The following RPA1 variants were observed in gnomAD, a reference collection of about 807,000 sequenced individuals.
RPA1 encodes the protein replication protein A1, also known as replication protein A 70 kDa DNA-binding subunit.
A neutral mutation model predicts 83.0 loss-of-function variants in RPA1; 49 were observed. The ratio of observed to expected loss-of-function variants is 0.59; its 90% CI spans 0.47 to 0.75. RPA1 has a LOEUF of 0.75. Among genes scored for constraint, RPA1 ranks in the 30% least tolerant of loss-of-function variants. RPA1 has a pLI of 0.00. For synonymous variants in RPA1, 279 were observed against 281.8 expected, an observed-to-expected ratio of 0.99 and a Z score of 0.10; for missense variants, 693 against 776.1, an observed-to-expected ratio of 0.89 and a Z score of 1.27.
At chr17:1,833,250 G>C (rs957041166) in intron 1 of RPA1, among the ~76,000 whole-genome samples, 1 of 152,156 alleles carries the variant, frequency 6.6e-6, no homozygotes, top group Non-Finnish European at 1.5e-5. Context: ...ATTCCATGAG[G>C]CCTGCAATCA....
chr17:1,859,760 A>T (rs1597436858), intron 5 of RPA1, among the ~76,000 whole-genome samples: 1 of 152,188 alleles, frequency 6.6e-6, no homozygotes, highest in African/African-American at 2.4e-5. Flanking sequence ...CCTCCTGAGT[A>T]GCTGGGACTA....
chr17:1,830,827 G>A (rs1163466659), intron 1 of RPA1, among the ~76,000 whole-genome samples: 1 of 151,518 alleles, frequency 6.6e-6, no homozygotes, highest in Non-Finnish European at 1.5e-5. Context: ...GTGCAGAGGC[G>A]CGATCTCGGC....
intron 4 of RPA1, among the ~76,000 whole-genome samples, chr17:1,848,905 C>A (rs1276249227): frequency 3.9e-5 from 6 of 152,112 alleles, no homozygotes; most frequent in Non-Finnish European, 7.3e-5. Context: ...TGTCTAGATA[C>A]ATCACATTTT....
At chr17:1,840,072 A>T (rs542894719) in intron 1 of RPA1, among the ~76,000 whole-genome samples, 1 of 151,654 alleles carries the variant, frequency 6.6e-6, no homozygotes, top group South Asian at 2.1e-4. Flanking sequence ...ATCCCTTTGC[A>T]TACACTGAAG....
In RPA1 at chr17:1,888,791, G is replaced by A. The variant is rs1914093071; in HGVS notation, c.1491G>A (p.Leu497=). 4 of 1,614,214 alleles carry A rather than the reference G, an allele frequency of 2.5e-6. No homozygotes were observed. The highest frequency in any genetic ancestry group is 3.3e-4 in the Middle Eastern group (2 of 6,060). ...AAGTGATTGATCAACAGAATGGATT[G>A]TACCGCTGTGAGAAGTGCGACACCG... is the stretch of plus-strand genomic sequence containing the variant. The part of the protein sequence containing the change: ...NKKVIDQQNG[L]YRCEKCDTEF... The change falls in exon 14 of 17, where the codon TTG becomes TTA. Residue 497 remains leucine (L), a synonymous_variant. Transcript: ENST00000254719.
At chr17:1,865,848 T>C (rs1567814838) in intron 5 of RPA1, among the ~76,000 whole-genome samples, 1 of 152,212 alleles carries the variant, frequency 6.6e-6, no homozygotes, top group African/African-American at 2.4e-5. Context: ...CTGTTCAGGC[T>C]GGTCTCAAAC....
At chr17:1,875,211 G>A (rs1172363637) in intron 6 of RPA1, among the ~76,000 whole-genome samples, 2 of 152,184 alleles carry the variant, frequency 1.3e-5, no homozygotes, top group African/African-American at 4.8e-5. Context: ...GGATTTGGAG[G>A]CGATCTATTT....
rs1349016012 is a variant in RPA1 at position 1,875,847 on chromosome 17, A to G, written c.587+54A>G. 9 of 1,543,224 alleles carry G rather than the reference A, an allele frequency of 5.8e-6. No homozygotes were observed. In the Admixed American group the frequency reaches 9.7e-5, roughly 17 times the overall value. On this transcript the variant is annotated intron_variant, in intron 7 of 16. Transcript: ENST00000254719. ...GTGTACTTATGAAATCGGAGAAGCT[A>G]TTATGGACTCTTGAGTTATTTATGC...
chr17:1,845,793 G>A (rs1180869640), intron 4 of RPA1, among the ~76,000 whole-genome samples: 1 of 152,096 alleles, frequency 6.6e-6, no homozygotes, highest in East Asian at 1.9e-4. Context: ...TTAGCTGGGC[G>A]TTATGACATG....
chr17:1,881,323 A>G (rs542504542), intron 12 of RPA1, among the ~76,000 whole-genome samples: 79 of 152,252 alleles, frequency 5.2e-4, no homozygotes, highest in African/African-American at 1.8e-3. Flanking sequence ...AAGCTTCAAT[A>G]ATTCCCATAG....
At chr17:1,878,729 G>A (rs1246866648) in intron 8 of RPA1, among the ~76,000 whole-genome samples, 1 of 152,166 alleles carries the variant, frequency 6.6e-6, no homozygotes, top group Non-Finnish European at 1.5e-5. Context: ...CTGTTTCTCA[G>A]TTGAGGCTAA....
chr17:1,864,616 G>A (rs1313163343), intron 5 of RPA1, among the ~76,000 whole-genome samples: 2 of 151,836 alleles, frequency 1.3e-5, no homozygotes, highest in African/African-American at 4.8e-5. Flanking sequence ...TATTAGTAGG[G>A]TTTTCACTTA....
chr17:1,865,820 A>T (rs1401093446), intron 5 of RPA1, among the ~76,000 whole-genome samples: 1 of 152,218 alleles, frequency 6.6e-6, no homozygotes, highest in African/African-American at 2.4e-5. Context: ...ATTTTAATAG[A>T]GATGAGACCT....
chr17:1,859,017 C>T (rs953316465), intron 5 of RPA1, among the ~76,000 whole-genome samples: 4 of 151,458 alleles, frequency 2.6e-5, no homozygotes, highest in Admixed American at 2.0e-4. Flanking sequence ...ATTCTCCTAT[C>T]TCAGCCTCCC....
At chr17:1,892,156 G>A (rs4790837) in intron 15 of RPA1, among the ~76,000 whole-genome samples, 33,081 of 151,854 alleles carry the variant, frequency 0.22, 3,698 homozygotes, top group East Asian at 0.3. Context: ...ACAGGCACCC[G>A]CCACGATGCC....
chr17:1,854,673 C>T (rs2151275641), intron 5 of RPA1, among the ~76,000 whole-genome samples: 1 of 152,282 alleles, frequency 6.6e-6, no homozygotes, highest in East Asian at 1.9e-4. Flanking sequence ...CACTGCCCTC[C>T]AGCCTGGGAA....
At chr17:1,882,667 A>G (rs1392126144) in intron 12 of RPA1, among the ~76,000 whole-genome samples, 2 of 152,192 alleles carry the variant, frequency 1.3e-5, no homozygotes, top group Non-Finnish European at 2.9e-5. Context: ...TCTGTCTCAA[A>G]ACAAAAAAAC....
chr17:1,860,776 C>T (rs1004775591), intron 5 of RPA1, among the ~76,000 whole-genome samples: 1 of 152,208 alleles, frequency 6.6e-6, no homozygotes, highest in East Asian at 1.9e-4. Context: ...GCCCTCGGAC[C>T]GAATGCCAGA....
intron 5 of RPA1, among the ~76,000 whole-genome samples, chr17:1,856,380 C>T (rs989518333): frequency 2.6e-4 from 39 of 151,164 alleles, no homozygotes; most frequent in Admixed American, 1.7e-3. Context: ...GGGCGGATCA[C>T]GAGGTCAGGA....
Sources: allele counts gnomAD v4.1 joint callset (sites outside exome capture counted in the v4.1 genomes callset), GRCh38; gene constraint gnomAD v4.1.1; transcripts MANE v1.5; gene names NCBI Gene and HGNC (gene_info 2026-07-23, HGNC 2026-07-21).